EPHB2: variants seen among roughly 807,000 people sequenced by gnomAD.
EPHB2 encodes EPH receptor B2.
In EPHB2, 18 loss-of-function variants were observed where a neutral mutation model predicts 96.4. That is an observed-to-expected ratio of 0.19 (90% CI 0.13 to 0.28). The LOEUF (loss-of-function observed/expected upper bound fraction) is 0.28, where lower values mean the gene tolerates loss of function less well. EPHB2 is among the 10% of genes least tolerant of loss of function. The probability of loss-of-function intolerance (pLI) is 1.00; values close to 1 mark genes in which losing one functional copy is unlikely to be tolerated. For missense variants in EPHB2, 989 were observed against 1,355.4 expected (o/e 0.73, Z 4.25); for synonymous variants, 506 against 534.1 (o/e 0.95, Z 0.72).
At chr1:22,850,592 C>G (rs1321876393) in intron 3 of EPHB2, among the ~76,000 whole-genome samples, 4 of 152,226 alleles carry the variant, frequency 2.6e-5, no homozygotes, top group African/African-American at 7.2e-5. Context: ...GTTTAACACT[C>G]GCTATTCCTG....
Position 22,906,893 on chromosome 1 carries a change from A to T in EPHB2, c.2072A>T (p.Lys691Met). The change falls in exon 11 of 16, where the codon AAG (lysine) becomes ATG (methionine). Residue 691 changes from lysine to methionine, a missense_variant. Coordinates refer to ENST00000374630, the MANE Select transcript of EPHB2 (RefSeq NM_017449.5). The surrounding 1 kb of genome is among the most constrained non-coding windows in gnomAD (Gnocchi z 4.8). ...NVIHLEGVVT[K>M]STPVMIITEF... is the part of the protein sequence containing the mutation. ...ATCCACCTGGAGGGTGTCGTGACCA[A>T]GAGCACACCTGTGATGATCATCACC... 6.2e-7 allele frequency: 1 copy of T among 1,614,204 alleles called. No homozygotes were observed. Among genetic ancestry groups the T allele is most frequent in the Non-Finnish European group, 8.5e-7 (1 of 1,180,032 alleles).
intron 9 of EPHB2, among the ~76,000 whole-genome samples, chr1:22,901,699 T>C (rs1427146997): frequency 6.6e-6 from 1 of 152,176 alleles, no homozygotes; most frequent in African/African-American, 2.4e-5. Context: ...GGGAAGCACC[T>C]GGGAGAAATT....
Position 22,913,605 on chromosome 1 carries a change from C to T in EPHB2, c.*35C>T. On this transcript the variant is annotated 3_prime_UTR_variant, in exon 16 of 16. Transcript: ENST00000374630. The surrounding 1 kb of genome is among the most constrained non-coding windows in gnomAD (Gnocchi z 4.1). The stretch of plus-strand genomic sequence containing the variant: ...GCCTCGGCTCACCTCTTCCTCCAAG[C>T]CCCGCCCCCTCTGCCCCACGTGCCG... 6.2e-7 allele frequency: 1 copy of T among 1,613,056 alleles called. No individual in the cohort carries two copies.
chr1:22,722,276 C>T (rs538318215), intron 1 of EPHB2, among the ~76,000 whole-genome samples: 19 of 152,250 alleles, frequency 1.2e-4, no homozygotes, highest in African/African-American at 3.4e-4. Context: ...GGATTACAGA[C>T]GTGAGCCACC....
rs143721652 is a variant in EPHB2 at position 22,891,407 on chromosome 1, G to A, written c.1429-1477G>A. On this transcript the variant is annotated intron_variant, in intron 6 of 15. Transcript: ENST00000374630. ...TTTTCGTCAGAAAAAAATTGTCTCAGGAGCTTCATGATCTTCAAAGGGTTG... is the reference window on the plus strand; with the variant it reads ...TTTTCGTCAGAAAAAAATTGTCTCAAGAGCTTCATGATCTTCAAAGGGTTG... 1.3e-3 allele frequency: 447 copies of A among 350,820 alleles called. 4 individuals are homozygous for A. Among genetic ancestry groups the A allele is most frequent in the African/African-American group, 8.5e-3 (397 of 46,844 alleles). 21.7% of individuals were successfully genotyped at this position (350,820 alleles called of 1,614,324 possible). A position where few individuals can be genotyped will look rare whatever the true frequency, so the allele number is the denominator to read the frequency against.
At chr1:22,835,331 G>A (rs1395829363) in intron 3 of EPHB2, among the ~76,000 whole-genome samples, 1 of 152,104 alleles carries the variant, frequency 6.6e-6, no homozygotes, top group Non-Finnish European at 1.5e-5. Flanking sequence ...AGTGAGCCAT[G>A]ATCACACCAC....
intron 1 of EPHB2, among the ~76,000 whole-genome samples, chr1:22,721,142 A>G (rs1318685152): frequency 1.3e-5 from 2 of 152,220 alleles, no homozygotes; most frequent in African/African-American, 4.8e-5. Context: ...CATTAGAGGA[A>G]AAGAAAAAAT....
intron 7 of EPHB2, 46 bp downstream of exon 7, chr1:22,893,092 C>A (rs1272196175): frequency 1.2e-6 from 2 of 1,613,736 alleles, no homozygotes; most frequent in South Asian, 2.2e-5. Flanking sequence ...ACTCCACAAA[C>A]AGAACAAACT....
chr1:22,731,567 C>T (rs553063118), intron 1 of EPHB2, among the ~76,000 whole-genome samples: 28 of 152,292 alleles, frequency 1.8e-4, no homozygotes, highest in Non-Finnish European at 3.8e-4. Flanking sequence ...CGGCTAGGCG[C>T]GGTGGCTCAT....
In EPHB2 at chr1:22,903,581, G is replaced by A. The variant is rs151033973; in HGVS notation, c.1766-2406G>A. Among the ~76,000 whole-genome samples, 50 of 152,320 alleles carry A rather than the reference G, an allele frequency of 3.3e-4. No individual in the cohort carries two copies. The Middle Eastern group carries it at 0.01, about 31-fold the overall frequency. On this transcript the variant is annotated intron_variant, in intron 9 of 15. Coordinates refer to ENST00000374630, the MANE Select transcript of EPHB2 (RefSeq NM_017449.5). ...TGCCATTTGCTAGCTGTGTGGCCTTGGCCAGATGACTTAGCTTCTCAGAGC... is the reference window on the plus strand; with the variant it reads ...TGCCATTTGCTAGCTGTGTGGCCTTAGCCAGATGACTTAGCTTCTCAGAGC...
At chr1:22,818,102 T>C (rs1645099294) in intron 3 of EPHB2, among the ~76,000 whole-genome samples, 1 of 150,648 alleles carries the variant, frequency 6.6e-6, no homozygotes, top group South Asian at 2.1e-4. Context: ...CTCTGATCCT[T>C]AGTCTGTCGC....
chr1:22,844,365 G>A (rs1397176489), intron 3 of EPHB2, among the ~76,000 whole-genome samples: 1 of 152,246 alleles, frequency 6.6e-6, no homozygotes, highest in African/African-American at 2.4e-5. Flanking sequence ...AGGAAGAGCA[G>A]GGCTGGGATT....
chr1:22,842,721 C>G (rs943534181), intron 3 of EPHB2, among the ~76,000 whole-genome samples: 1 of 152,196 alleles, frequency 6.6e-6, no homozygotes, highest in Non-Finnish European at 1.5e-5. Flanking sequence ...CCTGCTTCAG[C>G]GGCCAGACCT....
intron 5 of EPHB2, among the ~76,000 whole-genome samples, chr1:22,873,652 A>G (rs1263930238): frequency 6.6e-6 from 1 of 151,744 alleles, no homozygotes; most frequent in African/African-American, 2.4e-5. Flanking sequence ...AGAAGATAGG[A>G]GTACAGCAAC....
chr1:22,794,069 C>A (rs1246244089), intron 3 of EPHB2, among the ~76,000 whole-genome samples: 1 of 152,140 alleles, frequency 6.6e-6, no homozygotes, highest in African/African-American at 2.4e-5. Context: ...ATAGAAAGAA[C>A]CTCAGTTTGC....
chr1:22,754,329 C>T (rs561693752), intron 1 of EPHB2, among the ~76,000 whole-genome samples: 479 of 152,306 alleles, frequency 3.1e-3, no homozygotes, highest in Non-Finnish European at 4.9e-3. Context: ...TTTTCTATTT[C>T]CTGGGTAAAT....
chr1:22,893,518 G>A (rs573684397), intron 7 of EPHB2, among the ~76,000 whole-genome samples: 9 of 152,302 alleles, frequency 5.9e-5, no homozygotes, highest in African/African-American at 7.2e-5. Context: ...ATGGGAGATC[G>A]TAACCTGTGT....
intron 3 of EPHB2, among the ~76,000 whole-genome samples, chr1:22,842,015 G>A (rs1402731628): frequency 6.6e-6 from 1 of 152,178 alleles, no homozygotes; most frequent in Non-Finnish European, 1.5e-5. Context: ...GGGTCCCATG[G>A]GGCCTCGGGA....
chr1:22,724,236 A>ATGTG (rs143080293), intron 1 of EPHB2, among the ~76,000 whole-genome samples: 2 of 151,154 alleles, frequency 1.3e-5, no homozygotes, highest in South Asian at 2.1e-4. Context: ...TCCCCCTTGC[A>ATGTG]TGTGTGTGTG....
Sources: gnomAD v4.1 joint callset for allele counts (sites outside exome capture counted in the v4.1 genomes callset) on GRCh38, gnomAD v4.1.1 for gene constraint, Gnocchi (gnomAD v3.1) non-coding constraint, MANE v1.5 for transcripts, NCBI Gene and HGNC (gene_info 2026-07-23, HGNC 2026-07-21) for gene names.